DENND5B: variants seen among roughly 807,000 people sequenced by gnomAD.
DENND5B encodes the protein DENN domain-containing protein 5B.
A neutral mutation model predicts 140.6 loss-of-function variants in DENND5B; 34 were observed. The observed-to-expected ratio is 0.24, with a 90% CI of 0.18 to 0.32. The LOEUF (loss-of-function observed/expected upper bound fraction) is 0.32, where lower values mean the gene tolerates loss of function less well. Ranked by LOEUF, DENND5B falls within the 10% of genes least tolerant of loss-of-function variation. The pLI is 1.00. For synonymous variants in DENND5B, 551 were observed against 562.1 expected (o/e 0.98, Z 0.28); for missense variants, 1,142 against 1,560.2 (o/e 0.73, Z 4.52).
At chr12:31,396,114 G>C (rs1941454799) in intron 17 of DENND5B, among the ~76,000 whole-genome samples, 2 of 136,716 alleles carry the variant, frequency 1.5e-5, no homozygotes, top group African/African-American at 5.5e-5. Flanking sequence ...AGGCTGTAGT[G>C]CATGTAGTGC....
At chr12:31,388,213 C>A (rs1940941897) in intron 20 of DENND5B, among the ~76,000 whole-genome samples, 1 of 134,400 alleles carries the variant, frequency 7.4e-6, no homozygotes, top group South Asian at 2.4e-4. Flanking sequence ...CTACACTAAA[C>A]TGTAGGGACT....
intron 7 of DENND5B, among the ~76,000 whole-genome samples, chr12:31,441,177 T>C (rs1421231477): frequency 6.6e-6 from 1 of 152,092 alleles, no homozygotes; most frequent in Admixed American, 6.5e-5. Context: ...ATCCTGTCTC[T>C]ATAAAAAAAT....
At chr12:31,407,821 A>C (rs555287945) in intron 14 of DENND5B, among the ~76,000 whole-genome samples, 1 of 152,300 alleles carries the variant, frequency 6.6e-6, no homozygotes, top group Non-Finnish European at 1.5e-5. Flanking sequence ...TGAGACCTTT[A>C]TTATGTAAGT....
At chr12:31,412,387 T>C (rs1359927248) in intron 13 of DENND5B, among the ~76,000 whole-genome samples, 2 of 152,212 alleles carry the variant, frequency 1.3e-5, no homozygotes, top group East Asian at 3.8e-4. Flanking sequence ...TGGAAGATAA[T>C]GTTCCCATGG....
chr12:31,487,419 T>A (rs2138637919), intron 2 of DENND5B, among the ~76,000 whole-genome samples: 1 of 152,292 alleles, frequency 6.6e-6, no homozygotes, highest in Admixed American at 6.5e-5. Context: ...CTCATTTGGC[T>A]GGGTGTAGTG....
chr12:31,398,450 G>T, intron 16 of DENND5B, 88 bp from the exon 17 acceptor site: 1 of 1,276,288 alleles, frequency 7.8e-7, no homozygotes, highest in Non-Finnish European at 1.1e-6. Flanking sequence ...GACTACAGGT[G>T]TGCACCACCA....
At chr12:31,409,878 C>T (rs1300680519) in intron 13 of DENND5B, among the ~76,000 whole-genome samples, 3 of 152,132 alleles carry the variant, frequency 2.0e-5, no homozygotes, top group Non-Finnish European at 4.4e-5. Context: ...TCAAGAAATC[C>T]TCCTGCCTCA....
intron 1 of DENND5B, among the ~76,000 whole-genome samples, chr12:31,579,930 T>C (rs970693103): frequency 9.2e-5 from 14 of 151,548 alleles, no homozygotes; most frequent in African/African-American, 2.9e-4. Context: ...AACAGTGCAT[T>C]GTAAAGCACA....
At chr12:31,552,153 G>C (rs1949088230) in intron 1 of DENND5B, among the ~76,000 whole-genome samples, 1 of 152,180 alleles carries the variant, frequency 6.6e-6, no homozygotes, top group African/African-American at 2.4e-5. Flanking sequence ...TGTTTTCAAA[G>C]GGAATGCTTC....
At chr12:31,508,823 T>C (rs1434502300) in intron 1 of DENND5B, among the ~76,000 whole-genome samples, 1 of 152,138 alleles carries the variant, frequency 6.6e-6, no homozygotes, top group African/African-American at 2.4e-5. Flanking sequence ...ACATCACATA[T>C]ATCAGGAGGA....
chr12:31,566,220 T>C (rs967499662), intron 1 of DENND5B, among the ~76,000 whole-genome samples: 5 of 152,072 alleles, frequency 3.3e-5, no homozygotes, highest in African/African-American at 7.2e-5. Flanking sequence ...CTCAAGAGAC[T>C]GAGGCAGGAG....
intron 13 of DENND5B, among the ~76,000 whole-genome samples, chr12:31,410,857 G>A (rs961762674): frequency 4.6e-5 from 7 of 152,070 alleles, no homozygotes; most frequent in Non-Finnish European, 8.8e-5. Flanking sequence ...AATGTTTATG[G>A]TACACTGTTA....
rs1404258468 is a variant in DENND5B at position 31,419,943 on chromosome 12, A to G, written c.2470+3654T>C. 28 of 905,506 alleles carry G rather than the reference A, an allele frequency of 3.1e-5. 1 individual carries two copies. The highest frequency in any genetic ancestry group is 3.6e-5 in the Non-Finnish European group (28 of 768,390). 56.1% of individuals were successfully genotyped at this position (905,506 alleles called of 1,614,324 possible). ...AGCCAAGACTGCGCCATTGCACTCT[A>G]GCCTGGGCAACAAGAGCGAAACTCC... On this transcript the variant is annotated intron_variant, in intron 11 of 20. Coordinates refer to ENST00000389082, the MANE Select transcript of DENND5B (RefSeq NM_144973.4).
chr12:31,426,677 T>G lies in DENND5B; in HGVS notation c.2107-253A>C, dbSNP rs12578881. The G allele has an allele frequency of 2.9e-3, 925 of 322,264 alleles. 16 individuals carry two copies. The Admixed American group carries it at 0.038, about 13-fold the overall frequency. 20.0% of individuals were successfully genotyped at this position (322,264 alleles called of 1,614,324 possible). A position where few individuals can be genotyped will look rare whatever the true frequency, so the allele number is the denominator to read the frequency against. ...ACGTTAAAACTCATTCAAAGTGAGA[T>G]GACATTTCATTTCATTTAGTCTTTT... is the stretch of plus-strand genomic sequence containing the variant. On this transcript the variant is annotated intron_variant, in intron 8 of 20. Transcript: ENST00000389082.
Position 31,460,220 on chromosome 12 carries a change from G to T in DENND5B, c.1066C>A (p.Arg356Ser). 1 of 1,613,312 alleles carries T rather than the reference G, an allele frequency of 6.2e-7. No individual in the cohort carries two copies. The highest frequency in any genetic ancestry group is 8.5e-7 in the Non-Finnish European group (1 of 1,179,596). Reference sequence around the variant, plus strand: ...TCTTGAGGAAGTTCTAGTTTAGAACGGTCAGTTCCTTCTTTTGACTGAAGG... The same window carrying T: ...TCTTGAGGAAGTTCTAGTTTAGAACTGTCAGTTCCTTCTTTTGACTGAAGG... ...MGLQSKEGTDRSKLELPQEAN... is the reference protein window; with the variant it reads ...MGLQSKEGTDSSKLELPQEAN... The change falls in exon 4 of 21, where the codon CGT becomes AGT. Residue 356 changes from arginine (R) to serine (S), a missense_variant. Transcript: ENST00000389082.
At chr12:31,585,803 A>G (rs1191570250) in intron 1 of DENND5B, among the ~76,000 whole-genome samples, 1 of 152,208 alleles carries the variant, frequency 6.6e-6, no homozygotes, top group Non-Finnish European at 1.5e-5. Flanking sequence ...ACCAAAGCTA[A>G]AAATAGCTAG....
At chr12:31,400,343 T>C (rs970467916) in intron 15 of DENND5B, among the ~76,000 whole-genome samples, 2 of 152,220 alleles carry the variant, frequency 1.3e-5, no homozygotes, top group Non-Finnish European at 2.9e-5. Flanking sequence ...AGACCTCATA[T>C]ACTAGAAGTC....
intron 1 of DENND5B, among the ~76,000 whole-genome samples, chr12:31,554,299 A>G (rs1949194216): frequency 6.6e-6 from 1 of 152,124 alleles, no homozygotes; most frequent in East Asian, 1.9e-4. Flanking sequence ...TCTGTAAAGT[A>G]TTTTATTTCT....
At chr12:31,403,314 C>A (rs576963534) in intron 14 of DENND5B, among the ~76,000 whole-genome samples, 1 of 152,288 alleles carries the variant, frequency 6.6e-6, no homozygotes, top group African/African-American at 2.4e-5. Context: ...GATGTCACTG[C>A]CCTATCACTG....
Sources: gnomAD v4.1 joint callset for allele counts (sites outside exome capture counted in the v4.1 genomes callset) on GRCh38, gnomAD v4.1.1 for gene constraint, MANE v1.5 for transcripts, NCBI Gene and HGNC (gene_info 2026-07-23, HGNC 2026-07-21) for gene names.